Variants in NT5DC1 observed in about 807,000 individuals in gnomAD.
The protein encoded by NT5DC1 is 5'-nucleotidase domain-containing protein 1.
NT5DC1 carries 42 observed loss-of-function variants against 59.4 expected under a neutral mutation model. The observed-to-expected ratio is 0.71, with a 90% CI of 0.55 to 0.92. The LOEUF is 0.92. NT5DC1 is among the 40% of genes least tolerant of loss of function. NT5DC1 has a pLI of 0.00. For synonymous variants in NT5DC1, 172 were observed against 188.1 expected (o/e 0.91, Z 0.70); for missense variants, 501 against 537.1 (o/e 0.93, Z 0.66).
chr6:116,228,538 T>C (rs1781951180), intron 8 of NT5DC1, among the ~76,000 whole-genome samples: 2 of 152,210 alleles, frequency 1.3e-5, no homozygotes, highest in African/African-American at 4.8e-5. Context: ...GTTTAGCTCA[T>C]TTTTATCACA....
chr6:116,214,703 A>ATATT (rs1434996361), intron 6 of NT5DC1, among the ~76,000 whole-genome samples: 1 of 152,118 alleles, frequency 6.6e-6, no homozygotes, highest in Non-Finnish European at 1.5e-5. Context: ...TTTTTGAAAT[A>ATATT]TCATATTCAA....
At chr6:116,131,194 C>A (rs574688639) in intron 6 of NT5DC1, among the ~76,000 whole-genome samples, 5 of 152,222 alleles carry the variant, frequency 3.3e-5, no homozygotes, top group African/African-American at 9.6e-5. Context: ...AACCCGATCA[C>A]AAAATACCTG....
chr6:116,170,366 G>A (rs866619367), intron 6 of NT5DC1, among the ~76,000 whole-genome samples: 1 of 152,002 alleles, frequency 6.6e-6, no homozygotes, highest in African/African-American at 2.4e-5. Context: ...AACTGAATTC[G>A]AAGTCTATTC....
In NT5DC1 at chr6:116,188,477, A is replaced by G. The variant is rs147756334; in HGVS notation, c.530-32577A>G. On this transcript the variant is annotated intron_variant, in intron 6 of 11. Transcript: ENST00000319550. Reference sequence around the variant, plus strand: ...TATTCATCAATGAAAATGAAGCTTTATGAACAACATGAATGAATCTTAAAA... The same window carrying G: ...TATTCATCAATGAAAATGAAGCTTTGTGAACAACATGAATGAATCTTAAAA... Among the ~76,000 whole-genome samples the G allele has an allele frequency of 2.8e-3, 422 of 152,158 alleles. 1 individual carries two copies. Among genetic ancestry groups the G allele is most frequent in the African/African-American group, 9.3e-3 (385 of 41,548 alleles).
At chr6:116,214,470 A>G (rs146353441) in intron 6 of NT5DC1, among the ~76,000 whole-genome samples, 165 of 152,220 alleles carry the variant, frequency 1.1e-3, no homozygotes, top group African/African-American at 3.7e-3. Flanking sequence ...AGGAGAAAAA[A>G]GGCTTTCAAA....
Position 116,120,785 on chromosome 6 carries a change from G to C in NT5DC1, c.529+2840G>C, listed in dbSNP as rs577734691. 6.2e-6 allele frequency: 10 copies of C among 1,613,348 alleles called. No individual in the cohort carries two copies. In the East Asian group the frequency reaches 1.3e-4, roughly 22 times the overall value. ...GCCTCTAGTACCTGGTATTCCAGGG[G>C]CACCTCTTGGGCCAGCCTCTCCATT... On this transcript the variant is annotated intron_variant, in intron 6 of 11. Transcript: ENST00000319550.
chr6:116,205,441 T>C (rs1344483558), intron 6 of NT5DC1, among the ~76,000 whole-genome samples: 1 of 150,220 alleles, frequency 6.7e-6, no homozygotes, highest in East Asian at 2.0e-4. Context: ...CATTTAACCT[T>C]AGAAAGATAA....
In NT5DC1 at chr6:116,109,051, C is replaced by CA. The variant is rs149515068; in HGVS notation, c.257+617dup. ...GTTGCTAAGGGTATGACAAGCAGTCCAGAAGCAGCTGCTGTCACTGCTCTG... is the reference window on the plus strand; with the variant it reads ...GTTGCTAAGGGTATGACAAGCAGTCCAAGAAGCAGCTGCTGTCACTGCTCTG... On this transcript the variant is annotated intron_variant, in intron 3 of 11. Transcript: ENST00000319550. Among the ~76,000 whole-genome samples the CA allele has an allele frequency of 1.9e-4, 29 of 152,270 alleles. No homozygotes were observed. In the East Asian group the frequency reaches 5.6e-3, roughly 29 times the overall value.
intron 6 of NT5DC1, among the ~76,000 whole-genome samples, chr6:116,179,116 C>G (rs750915197): frequency 6.6e-6 from 1 of 152,058 alleles, no homozygotes. Context: ...TATTTAGCTT[C>G]AGGAAGTGTC....
intron 3 of NT5DC1, among the ~76,000 whole-genome samples, chr6:116,109,287 C>A (rs1189181542): frequency 2.0e-5 from 3 of 152,222 alleles, no homozygotes; most frequent in Non-Finnish European, 4.4e-5. Flanking sequence ...TTTCCCCCGA[C>A]CTTCCCCTAA....
At chr6:116,212,889 T>G (rs1181108184) in intron 6 of NT5DC1, among the ~76,000 whole-genome samples, 2 of 152,174 alleles carry the variant, frequency 1.3e-5, no homozygotes, top group Non-Finnish European at 2.9e-5. Context: ...ACATTTATGC[T>G]GACAAAAGCT....
intron 1 of NT5DC1, among the ~76,000 whole-genome samples, chr6:116,104,323 G>T (rs1004342965): frequency 6.6e-6 from 1 of 152,188 alleles, no homozygotes; most frequent in African/African-American, 2.4e-5. Context: ...TGCTGTCCCT[G>T]TTGGCGTCTC....
intron 8 of NT5DC1, among the ~76,000 whole-genome samples, chr6:116,233,978 T>C (rs990293718): frequency 2.5e-4 from 5 of 20,208 alleles, no homozygotes; most frequent in African/African-American, 1.2e-3. Flanking sequence ...CTTATAACTG[T>C]TTTTTTTTTT....
chr6:116,103,738 C>A lies in NT5DC1; in HGVS notation c.94-2506C>A, dbSNP rs530397738. Among the ~76,000 whole-genome samples the A allele has an allele frequency of 3.9e-5, 6 of 152,018 alleles. No individual in the cohort carries two copies. The East Asian group carries it at 1.2e-3, about 29-fold the overall frequency. On this transcript the variant is annotated intron_variant, in intron 1 of 11. Transcript: ENST00000319550. ...TGTGCAAACACAGAACTGAGTGTGT[C>A]CCCCTCACATGAGGCCTCAGGAAAG...
At chr6:116,105,657 A>C (rs1016196516) in intron 1 of NT5DC1, among the ~76,000 whole-genome samples, 2 of 152,178 alleles carry the variant, frequency 1.3e-5, no homozygotes, top group Non-Finnish European at 2.9e-5. Flanking sequence ...GTCAGCAATC[A>C]ACAGAGTATT....
intron 6 of NT5DC1, among the ~76,000 whole-genome samples, chr6:116,156,607 A>G (rs1221953360): frequency 1.3e-5 from 2 of 152,230 alleles, no homozygotes; most frequent in Non-Finnish European, 2.9e-5. Context: ...CGTGGAGGCA[A>G]TGGTAATTTA....
chr6:116,220,122 CTTTTTTTTT>C (rs60827021), intron 6 of NT5DC1, among the ~76,000 whole-genome samples: 3 of 98,620 alleles, frequency 3.0e-5, no homozygotes, highest in Admixed American at 2.5e-4. Context: ...GCTGTTTAAC[CTTTTTTTTT>C]TTTTTTTTTT....
intron 9 of NT5DC1, 26 bp downstream of exon 9, chr6:116,237,110 T>C (rs1782129122): frequency 2.3e-6 from 3 of 1,297,172 alleles, no homozygotes; most frequent in Non-Finnish European, 2.2e-6. Context: ...GGAGAAGTCC[T>C]CAGTGCCCAC....
chr6:116,215,173 C>A (rs112342802), intron 6 of NT5DC1, among the ~76,000 whole-genome samples: 1 of 152,014 alleles, frequency 6.6e-6, no homozygotes, highest in African/African-American at 2.4e-5. Flanking sequence ...TTGGATAATA[C>A]GGAGCACATG....
Sources: gnomAD v4.1 joint callset for allele counts (sites outside exome capture counted in the v4.1 genomes callset) on GRCh38, gnomAD v4.1.1 for gene constraint, MANE v1.5 for transcripts, NCBI Gene and HGNC (gene_info 2026-07-23, HGNC 2026-07-21) for gene names.